WDFY4: variants seen among roughly 807,000 people sequenced by gnomAD.
WDFY4 encodes WDFY family member 4, also known as WD repeat- and FYVE domain-containing protein 4.
WDFY4 carries 169 observed loss-of-function variants against 351.9 expected under a neutral mutation model. The ratio of observed to expected loss-of-function variants is 0.48; its 90% CI spans 0.42 to 0.55. The LOEUF (loss-of-function observed/expected upper bound fraction) is 0.55, where lower values mean the gene tolerates loss of function less well. Ranked by LOEUF, WDFY4 falls within the 20% of genes least tolerant of loss-of-function variation. WDFY4 has a pLI of 0.00. For synonymous variants in WDFY4, 1,622 were observed against 1,574.6 expected (o/e 1.03, Z -0.71); for missense variants, 3,803 against 3,935.6 (o/e 0.97, Z 0.90).
intron 39 of WDFY4, among the ~76,000 whole-genome samples, chr10:48,834,084 G>C (rs1376257446): frequency 6.6e-6 from 1 of 152,208 alleles, no homozygotes; most frequent in African/African-American, 2.4e-5. Flanking sequence ...TAAGAGCTAA[G>C]GGCAAAGCAC....
intron 56 of WDFY4, 116 bp from the exon 57 acceptor site, chr10:48,970,015 T>A (rs1307276233): frequency 1.7e-5 from 22 of 1,276,016 alleles, no homozygotes; most frequent in Admixed American, 1.0e-4. Context: ...CCTGAACACA[T>A]GGCATGTCCC....
intron 39 of WDFY4, among the ~76,000 whole-genome samples, chr10:48,865,841 T>C (rs759503604): frequency 2.6e-5 from 4 of 152,242 alleles, no homozygotes; most frequent in Admixed American, 6.5e-5. Context: ...GTTCATCTAA[T>C]CTAAGCTATT....
At position 48,936,770 on chromosome 10, in the gene WDFY4, A is replaced by G. The variant is rs539406764; in HGVS notation, c.7587-5036A>G. ...GGAGAATCGCTTGAACCCAGGAGAC[A>G]GAGGTTGCAGTGAGCCGAGATCGCG... is the stretch of plus-strand genomic sequence containing the variant. On this transcript the variant is annotated intron_variant, in intron 47 of 61. Coordinates refer to ENST00000325239, the MANE Select transcript of WDFY4 (RefSeq NM_001394531.1). Among the ~76,000 whole-genome samples the G allele has an allele frequency of 5.1e-3, 761 of 150,636 alleles. 3 individuals carry two copies. The highest frequency in any genetic ancestry group is 0.018 in the African/African-American group (728 of 41,138).
At chr10:48,915,495 C>T (rs1261624731) in intron 47 of WDFY4, among the ~76,000 whole-genome samples, 2 of 151,938 alleles carry the variant, frequency 1.3e-5, no homozygotes, top group Non-Finnish European at 2.9e-5. Context: ...TGCCTCTGTT[C>T]CCTGCAGGGA....
At chr10:48,890,090 G>A (rs1000210027) in intron 43 of WDFY4, among the ~76,000 whole-genome samples, 1 of 152,204 alleles carries the variant, frequency 6.6e-6, no homozygotes, top group Non-Finnish European at 1.5e-5. Context: ...TGTTTCCTTG[G>A]CCTTGCAGAG....
intron 11 of WDFY4, among the ~76,000 whole-genome samples, chr10:48,737,739 C>T (rs918941336): frequency 1.3e-5 from 2 of 152,150 alleles, no homozygotes; most frequent in African/African-American, 2.4e-5. Flanking sequence ...ACACTTGAAT[C>T]CCATGATTAC....
intron 42 of WDFY4, 70 bp from the exon 43 acceptor site, chr10:48,876,963 T>G: frequency 7.2e-7 from 1 of 1,388,002 alleles, no homozygotes; most frequent in South Asian, 1.6e-5. Context: ...TGTAGGCACA[T>G]GCTGTGCACC....
chr10:48,880,960 T>C (rs931436815), intron 43 of WDFY4, among the ~76,000 whole-genome samples: 3 of 152,100 alleles, frequency 2.0e-5, no homozygotes, highest in Non-Finnish European at 4.4e-5. Flanking sequence ...CCTGCCCAAT[T>C]CTAATTCTCT....
chr10:48,862,456 G>A (rs908053809), intron 39 of WDFY4, among the ~76,000 whole-genome samples: 29 of 152,128 alleles, frequency 1.9e-4, no homozygotes, highest in African/African-American at 6.5e-4. Flanking sequence ...ATTGTGAACT[G>A]CACATGCCAG....
Position 48,803,408 on chromosome 10 carries a change from C to T in WDFY4, c.4484+49C>T, listed in dbSNP as rs1221200422. Reference sequence around the variant, plus strand: ...GGGGTTAGAACTGAAGGCTGAATGTCCAGAACAGAGACAGGGCAGGGTGGC... The same window carrying T: ...GGGGTTAGAACTGAAGGCTGAATGTTCAGAACAGAGACAGGGCAGGGTGGC... On this transcript the variant is annotated intron_variant, in intron 25 of 61. Transcript: ENST00000325239. 2.0e-6 allele frequency: 3 copies of T among 1,534,508 alleles called. No homozygotes were observed. The Admixed American group carries it at 5.9e-5, about 30-fold the overall frequency.
At chr10:48,943,172 T>G (rs142219231) in intron 48 of WDFY4, among the ~76,000 whole-genome samples, 158 bp from the exon 49 acceptor site, 1 of 152,252 alleles carries the variant, frequency 6.6e-6, no homozygotes, top group East Asian at 1.9e-4. Context: ...AATTTGTGTG[T>G]GGGTCATGCA....
chr10:48,941,095 G>A (rs906281859), intron 47 of WDFY4, among the ~76,000 whole-genome samples: 2 of 152,160 alleles, frequency 1.3e-5, no homozygotes, highest in Admixed American at 1.3e-4. Flanking sequence ...TCAGTTGTGA[G>A]AACAAAGCCT....
chr10:48,727,750 T>A (rs1298324895), intron 7 of WDFY4, 91 bp downstream of exon 7: 2 of 1,441,378 alleles, frequency 1.4e-6, no homozygotes, highest in African/African-American at 2.8e-5. Context: ...AAAATAGATA[T>A]AGCTCCATAG....
intron 39 of WDFY4, among the ~76,000 whole-genome samples, chr10:48,863,099 A>G (rs2069402594): frequency 6.6e-6 from 1 of 152,186 alleles, no homozygotes; most frequent in Admixed American, 6.5e-5. Flanking sequence ...TTTGTTCATC[A>G]GTTGGTGGAC....
rs2066121640 is a variant in WDFY4 at position 48,778,791 on chromosome 10, C to T, written c.3356C>T (p.Ser1119Phe). Residue 1119 changes from serine to phenylalanine, a missense_variant, in exon 18 of 62, where the codon TCC becomes TTC. Around this residue, in one of 3 missense-constraint regions of WDFY4, gnomAD observed 3,054 missense variants for 3,148.6 expected, o/e 0.97. Transcript: ENST00000325239. The stretch of plus-strand genomic sequence containing the variant: ...GTCAGCCTCTGCCCAGACGACCTCT[C>T]CTTGGTTGTTTCTACAGAAGAGAAG... ...FSVSLCPDDLSLVVSTEEKEF... is the reference protein window; with the variant it reads ...FSVSLCPDDLFLVVSTEEKEF... The T allele has an allele frequency of 3.9e-6, 6 of 1,551,514 alleles. No individual in the cohort carries two copies. The highest frequency in any genetic ancestry group is 4.4e-6 in the Non-Finnish European group (5 of 1,147,044).
At chr10:48,958,384 G>A (rs1427057379) in intron 52 of WDFY4, among the ~76,000 whole-genome samples, 3 of 152,168 alleles carry the variant, frequency 2.0e-5, no homozygotes, top group Non-Finnish European at 4.4e-5. Flanking sequence ...CACTCAGGGA[G>A]GGTGGCAGCC....
chr10:48,822,884 A>T (rs1340797476), intron 35 of WDFY4, among the ~76,000 whole-genome samples: 2 of 152,218 alleles, frequency 1.3e-5, no homozygotes, highest in Non-Finnish European at 2.9e-5. Flanking sequence ...CAGCTAAGAA[A>T]GGACCACAAA....
At chr10:48,971,490 T>A (rs1052162142) in intron 57 of WDFY4, among the ~76,000 whole-genome samples, 8 of 149,844 alleles carry the variant, frequency 5.3e-5, no homozygotes, top group African/African-American at 2.0e-4. Context: ...AGCGAGACTC[T>A]GTCTCAAAAA....
chr10:48,876,850 G>C lies in WDFY4; in HGVS notation c.7001-183G>C, dbSNP rs566378472. Among the ~76,000 whole-genome samples the C allele has an allele frequency of 2.0e-5, 3 of 152,276 alleles. No homozygotes were observed. The South Asian group carries it at 6.2e-4, about 32-fold the overall frequency. On this transcript the variant is annotated intron_variant, in intron 42 of 61. Transcript: ENST00000325239. ...GGAAGGTATTTTGACCACACCCCAGGGTGCCCCAGATGTGTGGTGTCCATT... is the reference window on the plus strand; with the variant it reads ...GGAAGGTATTTTGACCACACCCCAGCGTGCCCCAGATGTGTGGTGTCCATT...
Sources: allele counts gnomAD v4.1 joint callset (sites outside exome capture counted in the v4.1 genomes callset), GRCh38; gene constraint gnomAD v4.1.1; regional missense constraint gnomAD v4.1.1; transcripts MANE v1.5; gene names NCBI Gene and HGNC (gene_info 2026-07-23, HGNC 2026-07-21).